The following MYO5B variants were observed in gnomAD, a reference collection of about 807,000 sequenced individuals.
MYO5B encodes unconventional myosin-Vb.
In MYO5B, 143 loss-of-function variants were observed where a neutral mutation model predicts 229.3. The observed-to-expected ratio is 0.62, with a 90% confidence interval of 0.54 to 0.72. MYO5B has a LOEUF of 0.72. MYO5B is among the 30% of genes least tolerant of loss of function. The pLI, the probability that MYO5B is intolerant of heterozygous loss-of-function variation, is 0.00. For synonymous variants in MYO5B, 918 were observed against 885.2 expected (o/e 1.04, Z -0.66); for missense variants, 2,321 against 2,331.0 (o/e 1.00, Z 0.09).
rs869189090 is a variant in MYO5B, at chr18:50,030,876, G to GAAA, written c.455+5971_455+5973dup. Among the ~76,000 whole-genome samples, 2 of 30,500 alleles carry GAAA rather than the reference G, an allele frequency of 6.6e-5. 1 individual carries two copies. The highest frequency in any genetic ancestry group is 2.4e-4 in the African/African-American group (2 of 8,510). The allele number at this position is 30,500 out of a possible 152,430, so 20.0% of individuals were successfully genotyped here. Reference sequence around the variant, plus strand: ...TCTGCAGCATCCCCACTCCCTTTCAGAAAAAAAAAAAAAAAAAAAAAAAAA... The same window carrying GAAA: ...TCTGCAGCATCCCCACTCCCTTTCAGAAAAAAAAAAAAAAAAAAAAAAAAAAAA... On this transcript the variant is annotated intron_variant, in intron 4 of 39. Transcript: ENST00000285039.
chr18:49,849,098 G>A (rs2024167499), intron 32 of MYO5B, among the ~76,000 whole-genome samples: 1 of 151,992 alleles, frequency 6.6e-6, no homozygotes, highest in South Asian at 2.1e-4. Context: ...GGAGTCAGAG[G>A]GAGAGAACAT....
intron 27 of MYO5B, among the ~76,000 whole-genome samples, chr18:49,871,886 C>T (rs1167878683): frequency 2.6e-5 from 4 of 152,226 alleles, no homozygotes; most frequent in Non-Finnish European, 5.9e-5. Context: ...CTATGTCTAC[C>T]CATGCAAGCC....
At chr18:50,165,457 G>A (rs1599071424) in intron 1 of MYO5B, among the ~76,000 whole-genome samples, 1 of 150,780 alleles carries the variant, frequency 6.6e-6, no homozygotes, top group Non-Finnish European at 1.5e-5. Flanking sequence ...TCCAGCCTGG[G>A]CAACAGCATA....
At chr18:49,885,193 G>A (rs1568626143) in intron 22 of MYO5B, among the ~76,000 whole-genome samples, 4 of 152,160 alleles carry the variant, frequency 2.6e-5, no homozygotes, top group African/African-American at 9.7e-5. Context: ...CTGACACAAA[G>A]AACAACCTCA....
At chr18:49,905,486 C>T (rs1005458510) in intron 19 of MYO5B, among the ~76,000 whole-genome samples, 5 of 152,098 alleles carry the variant, frequency 3.3e-5, no homozygotes, top group Non-Finnish European at 7.3e-5. Flanking sequence ...AACAAGTGCT[C>T]AATTAGAGAC....
intron 4 of MYO5B, among the ~76,000 whole-genome samples, chr18:50,002,937 T>C (rs1260458259): frequency 2.0e-5 from 3 of 152,116 alleles, no homozygotes; most frequent in Non-Finnish European, 4.4e-5. Context: ...CCTGCCTTGC[T>C]AACTGTCAAC....
chr18:50,046,871 A>C (rs2030243243), intron 2 of MYO5B, among the ~76,000 whole-genome samples: 1 of 152,200 alleles, frequency 6.6e-6, no homozygotes. Flanking sequence ...GGTGCTGGGA[A>C]AACTGGCTAG....
chr18:49,863,393 A>G, intron 28 of MYO5B, 66 bp from the exon 29 acceptor site: 1 of 1,361,004 alleles, frequency 7.3e-7, no homozygotes, highest in East Asian at 2.3e-5. Context: ...TTTATATACA[A>G]ACAGGTATAA....
At chr18:50,082,278 G>A (rs1192229429) in intron 1 of MYO5B, among the ~76,000 whole-genome samples, 2 of 152,192 alleles carry the variant, frequency 1.3e-5, no homozygotes, top group Admixed American at 6.5e-5. Context: ...CTGGATTCCA[G>A]GATCCAGGCC....
intron 39 of MYO5B, among the ~76,000 whole-genome samples, chr18:49,829,885 C>T (rs1207825796): frequency 6.6e-6 from 1 of 152,098 alleles, no homozygotes; most frequent in African/African-American, 2.4e-5. Context: ...TTGCCAAAAT[C>T]CAACTTTTTT....
rs745598808 is a variant in MYO5B, at chr18:49,980,449, T to C, written c.1051A>G (p.Ile351Val). The change falls in exon 9 of 40, where the codon ATA becomes GTA. Residue 351 changes from isoleucine to valine, a missense_variant. Physicochemically the swap from Ile to Val is conservative, Grantham distance 29. Transcript: ENST00000285039. ...GGTGTTGGTGTGCAACTTACTGATATACTACAGGAATCACCATCACGCTCA... is the reference window on the plus strand; with the variant it reads ...GGTGTTGGTGTGCAACTTACTGATACACTACAGGAATCACCATCACGCTCA... Reference protein sequence around the residue: ...QAERDGDSCSISPQDVYLSNF... With the variant: ...QAERDGDSCSVSPQDVYLSNF... 11 of 1,605,024 alleles carry C rather than the reference T, an allele frequency of 6.9e-6. No individual in the cohort carries two copies. Among genetic ancestry groups the C allele is most frequent in the Non-Finnish European group, 8.5e-6 (10 of 1,171,752 alleles).
At chr18:49,961,673 C>T (rs2025560841) in intron 12 of MYO5B, among the ~76,000 whole-genome samples, 1 of 152,322 alleles carries the variant, frequency 6.6e-6, no homozygotes, top group Middle Eastern at 3.4e-3. Context: ...AGATGAACCC[C>T]TATCATCGAG....
At chr18:50,085,638 C>T (rs2031314006) in intron 1 of MYO5B, among the ~76,000 whole-genome samples, 1 of 152,160 alleles carries the variant, frequency 6.6e-6, no homozygotes, top group Non-Finnish European at 1.5e-5. Context: ...CGGCACTATT[C>T]ACAATAGCAA....
chr18:49,965,403 T>G (rs1255422183), intron 10 of MYO5B, among the ~76,000 whole-genome samples: 1 of 151,456 alleles, frequency 6.6e-6, no homozygotes, highest in Non-Finnish European at 1.5e-5. Context: ...GATGGACATT[T>G]TCCATCTCTT....
intron 39 of MYO5B, among the ~76,000 whole-genome samples, chr18:49,828,160 G>A (rs1202519977): frequency 6.6e-6 from 1 of 152,168 alleles, no homozygotes; most frequent in African/African-American, 2.4e-5. Context: ...GATATGGAGG[G>A]CTGACTGTAT....
chr18:49,859,751 G>T (rs1440241663), intron 29 of MYO5B, among the ~76,000 whole-genome samples: 1 of 152,132 alleles, frequency 6.6e-6, no homozygotes, highest in Non-Finnish European at 1.5e-5. Context: ...TCACCTCCTT[G>T]AAAAAAGCCA....
intron 7 of MYO5B, among the ~76,000 whole-genome samples, chr18:49,987,099 C>T (rs936714064): frequency 2.6e-5 from 4 of 152,254 alleles, no homozygotes; most frequent in African/African-American, 9.6e-5. Flanking sequence ...AGCCAAGGTC[C>T]TACTGCCTGA....
chr18:49,887,374 T>C (rs1451500057), intron 22 of MYO5B, among the ~76,000 whole-genome samples: 1 of 151,818 alleles, frequency 6.6e-6, no homozygotes, highest in Non-Finnish European at 1.5e-5. Flanking sequence ...TACTGCTCTG[T>C]GAGCCATCTA....
Position 49,847,146 on chromosome 18 carries a change from C to T in MYO5B, c.4459G>A (p.Asp1487Asn), listed in dbSNP as rs200737204. 33 of 1,613,976 alleles carry T rather than the reference C, an allele frequency of 2.0e-5. No individual in the cohort carries two copies. The African/African-American group carries it at 3.3e-4, about 16-fold the overall frequency. The change falls in exon 33 of 40, where the codon GAC becomes AAC. Residue 1487 changes from aspartate (D) to asparagine (N), a missense_variant and splice_region_variant. Physicochemically the swap from Asp to Asn is conservative, Grantham distance 23 (BLOSUM62 1). Coordinates refer to ENST00000285039, the MANE Select transcript of MYO5B (RefSeq NM_001080467.3). ...EALLIRNLVT[D>N]LKPQMLSGTV... ...ATAGGGTGGCACAGAGGGTCCTTAC[C>T]TGTCACCAGGTTCCGGATGAGGAGG...
Sources: gnomAD v4.1 joint callset for allele counts (sites outside exome capture counted in the v4.1 genomes callset) on GRCh38, gnomAD v4.1.1 for gene constraint, MANE v1.5 for transcripts, NCBI Gene and HGNC (gene_info 2026-07-23, HGNC 2026-07-21) for gene names.